HEATR5B: variants seen among roughly 807,000 people sequenced by gnomAD.
The protein encoded by HEATR5B is HEAT repeat containing 5B.
Under a neutral mutation model 224.1 loss-of-function variants are expected in HEATR5B, and 156 were observed. That is an observed-to-expected ratio of 0.70 (90% CI 0.61 to 0.80). The LOEUF is 0.80. Among genes scored for constraint, HEATR5B ranks in the 30% least tolerant of loss-of-function variants. The probability of loss-of-function intolerance (pLI) is 0.00; values close to 1 mark genes in which losing one functional copy is unlikely to be tolerated. For missense variants in HEATR5B, 2,323 were observed against 2,535.5 expected (o/e 0.92, Z 1.80); for synonymous variants, 1,027 against 893.0 (o/e 1.15, Z -2.68).
chr2:36,982,380 T>C (rs760096033), intron 35 of HEATR5B, among the ~76,000 whole-genome samples: 2 of 152,234 alleles, frequency 1.3e-5, no homozygotes, highest in Non-Finnish European at 2.9e-5. Flanking sequence ...AAAGTATTTA[T>C]TTGGAGGCTT....
chr2:37,020,392 G>C (rs1184755634), intron 25 of HEATR5B, among the ~76,000 whole-genome samples: 1 of 152,122 alleles, frequency 6.6e-6, no homozygotes, highest in Non-Finnish European at 1.5e-5. Context: ...CTAAACACAA[G>C]ACTGGAAAGC....
chr2:37,021,383 C>T (rs1232352556), intron 24 of HEATR5B, among the ~76,000 whole-genome samples: 2 of 152,196 alleles, frequency 1.3e-5, no homozygotes, highest in Non-Finnish European at 2.9e-5. Flanking sequence ...TCACAAATTG[C>T]TCACAAGGAA....
intron 31 of HEATR5B, 90 bp downstream of exon 31, chr2:37,003,452 A>G: frequency 1.1e-6 from 1 of 942,810 alleles, no homozygotes; most frequent in Non-Finnish European, 1.6e-6. Context: ...ATAAAATAAG[A>G]ACTATAGAAA....
At chr2:37,041,728 G>C (rs912098155) in intron 18 of HEATR5B, among the ~76,000 whole-genome samples, 4 of 151,598 alleles carry the variant, frequency 2.6e-5, no homozygotes, top group East Asian at 1.9e-4. Flanking sequence ...CTGGGTGATA[G>C]AGCAGGACCC....
At chr2:36,995,035 C>T (rs1291431747) in intron 33 of HEATR5B, among the ~76,000 whole-genome samples, 1 of 151,396 alleles carries the variant, frequency 6.6e-6, no homozygotes, top group African/African-American at 2.4e-5. Context: ...CAGGTGTGGG[C>T]CACTGCGCCC....
intron 26 of HEATR5B, among the ~76,000 whole-genome samples, chr2:37,014,273 T>C (rs1448976941): frequency 1.3e-5 from 2 of 152,072 alleles, no homozygotes; most frequent in African/African-American, 2.4e-5. Context: ...AAAATTCTCC[T>C]GCCTCAGCCT....
intron 11 of HEATR5B, 51 bp from the exon 12 acceptor site, chr2:37,060,784 A>C (rs574908493): frequency 6.7e-7 from 1 of 1,498,794 alleles, no homozygotes; most frequent in African/African-American, 1.4e-5. Context: ...CATACCTTAC[A>C]AACAAGTGTC....
intron 14 of HEATR5B, among the ~76,000 whole-genome samples, chr2:37,057,933 C>T (rs920732369): frequency 1.4e-4 from 22 of 152,068 alleles, no homozygotes; most frequent in Non-Finnish European, 7.4e-5. Context: ...TACAATGAAC[C>T]ACAGCACACC....
intron 33 of HEATR5B, among the ~76,000 whole-genome samples, chr2:36,991,948 G>A (rs552261645): frequency 3.3e-5 from 5 of 152,254 alleles, no homozygotes; most frequent in East Asian, 1.9e-4. Flanking sequence ...AAGAGATGTC[G>A]GCTGGGTGTG....
intron 26 of HEATR5B, among the ~76,000 whole-genome samples, chr2:37,016,346 C>T (rs906266882): frequency 2.0e-5 from 3 of 152,106 alleles, no homozygotes; most frequent in South Asian, 2.1e-4. Context: ...CTCCTGACCT[C>T]GTGATCTGCC....
At chr2:37,007,696 T>C (rs1040142401) in intron 28 of HEATR5B, among the ~76,000 whole-genome samples, 3 of 152,168 alleles carry the variant, frequency 2.0e-5, no homozygotes, top group African/African-American at 7.2e-5. Context: ...ACCTGTTACA[T>C]ACAAAAGAGA....
At chr2:37,020,875 C>A (rs1488175084) in intron 24 of HEATR5B, 39 bp from the exon 25 acceptor site, 2 of 1,147,454 alleles carry the variant, frequency 1.7e-6, no homozygotes, top group Non-Finnish European at 1.2e-6. Context: ...AAAACTTTTC[C>A]AAAAATAAGT....
intron 17 of HEATR5B, among the ~76,000 whole-genome samples, chr2:37,052,820 T>A (rs1030703489): frequency 4.6e-5 from 7 of 152,216 alleles, no homozygotes; most frequent in Non-Finnish European, 1.0e-4. Context: ...ATGATTCTCA[T>A]CCTAGGCAGG....
At chr2:37,046,834 A>C (rs1371654834) in intron 18 of HEATR5B, among the ~76,000 whole-genome samples, 3 of 150,040 alleles carry the variant, frequency 2.0e-5, no homozygotes, top group Admixed American at 6.7e-5. Context: ...TTGATCACCT[A>C]AGGTCAGGAG....
intron 17 of HEATR5B, among the ~76,000 whole-genome samples, chr2:37,050,279 T>C (rs768323242): frequency 6.6e-6 from 1 of 152,208 alleles, no homozygotes; most frequent in Non-Finnish European, 1.5e-5. Flanking sequence ...AGTTTTCACA[T>C]GTATATACTA....
intron 31 of HEATR5B, among the ~76,000 whole-genome samples, chr2:37,002,880 ACT>A (rs1377268095): frequency 6.6e-6 from 1 of 152,158 alleles, no homozygotes; most frequent in Non-Finnish European, 1.5e-5. Context: ...AAAATAGTCG[ACT>A]CTCAGCAATT....
At chr2:36,982,097 TGA>T (rs2148304968) in intron 35 of HEATR5B, among the ~76,000 whole-genome samples, 1 of 152,008 alleles carries the variant, frequency 6.6e-6, no homozygotes, top group South Asian at 2.1e-4. Context: ...GAATGTATCT[TGA>T]GAGTAAGATT....
At chr2:37,032,839 C>G (rs1374726361) in intron 21 of HEATR5B, 66 bp from the exon 22 acceptor site, 70 of 1,361,332 alleles carry the variant, frequency 5.1e-5, no homozygotes, top group Non-Finnish European at 6.6e-5. Flanking sequence ...TCTTATTTGC[C>G]CAATGAATAT....
chr2:37,009,121 G>C (rs1001132924), intron 27 of HEATR5B, among the ~76,000 whole-genome samples: 1 of 151,844 alleles, frequency 6.6e-6, no homozygotes, highest in African/African-American at 2.4e-5. Context: ...AGCCGGGCAT[G>C]GTGGCAGGCA....
Sources: allele counts gnomAD v4.1 joint callset (sites outside exome capture counted in the v4.1 genomes callset), GRCh38; gene constraint gnomAD v4.1.1; transcripts MANE v1.5; gene names NCBI Gene and HGNC (gene_info 2026-07-23, HGNC 2026-07-21).